ARHGAP8: variants seen among roughly 807,000 people sequenced by gnomAD.
The protein encoded by ARHGAP8 is rho GTPase-activating protein 8.
A neutral mutation model predicts 46.1 loss-of-function variants in ARHGAP8; 62 were observed. That is an observed-to-expected ratio of 1.34 (90% CI 1.10 to 1.66). The LOEUF (loss-of-function observed/expected upper bound fraction) is 1.66. ARHGAP8 is among the 40% of genes most tolerant of loss of function. ARHGAP8 has a pLI of 0.00. For synonymous variants in ARHGAP8, 375 were observed against 243.1 expected (o/e 1.54, Z -5.05); for missense variants, 923 against 568.4 (o/e 1.62, Z -6.34).
At chr22:44,792,079 C>T (rs1031778243) in intron 2 of ARHGAP8, among the ~76,000 whole-genome samples, 1 of 151,310 alleles carries the variant, frequency 6.6e-6, no homozygotes. Flanking sequence ...GTGGTGCGAT[C>T]TCAGCTCACT....
At chr22:44,860,577 C>T (rs1001517614) in intron 11 of ARHGAP8, among the ~76,000 whole-genome samples, 3 of 152,114 alleles carry the variant, frequency 2.0e-5, no homozygotes, top group Non-Finnish European at 4.4e-5. Flanking sequence ...GCCCTCGTTC[C>T]AAATAAGGTC....
At chr22:44,844,519 G>T (rs965451129) in intron 7 of ARHGAP8, among the ~76,000 whole-genome samples, 6 of 152,058 alleles carry the variant, frequency 3.9e-5, no homozygotes, top group African/African-American at 1.4e-4. Context: ...CTGGAGTGCA[G>T]TGGCACAATC....
intron 4 of ARHGAP8, 31 bp downstream of exon 4, chr22:44,808,469 G>C (rs757872203): frequency 6.2e-7 from 1 of 1,611,070 alleles, no homozygotes; most frequent in East Asian, 2.2e-5. Context: ...AGGGACGTGG[G>C]TGTGGGCTGC....
chr22:44,772,971 A>G (rs574750579), intron 1 of ARHGAP8, among the ~76,000 whole-genome samples: 6 of 152,146 alleles, frequency 3.9e-5, no homozygotes, highest in African/African-American at 1.4e-4. Flanking sequence ...AGTGTGCACT[A>G]CCATGCCCAG....
At chr22:44,798,848 C>T (rs1361623325) in intron 2 of ARHGAP8, among the ~76,000 whole-genome samples, 7 of 152,140 alleles carry the variant, frequency 4.6e-5, no homozygotes, top group Admixed American at 4.6e-4. Flanking sequence ...TCACTGCAAC[C>T]TCCGCTTCCC....
At chr22:44,819,887 G>A (rs1285541656) in intron 5 of ARHGAP8, among the ~76,000 whole-genome samples, 1 of 152,136 alleles carries the variant, frequency 6.6e-6, no homozygotes, top group Non-Finnish European at 1.5e-5. Flanking sequence ...GAGCCTGTGT[G>A]GTTCTACCCC....
chr22:44,789,062 C>G (rs1430453527), intron 2 of ARHGAP8, among the ~76,000 whole-genome samples: 1 of 152,218 alleles, frequency 6.6e-6, no homozygotes, highest in Non-Finnish European at 1.5e-5. Context: ...GTGTTCACAG[C>G]TCCCAAAATT....
intron 2 of ARHGAP8, among the ~76,000 whole-genome samples, chr22:44,795,740 C>G (rs939079273): frequency 6.6e-6 from 1 of 152,260 alleles, no homozygotes; most frequent in African/African-American, 2.4e-5. Context: ...GGCCCACAGG[C>G]TTCTCTTTCT....
At chr22:44,796,258 C>G (rs947777787) in intron 2 of ARHGAP8, among the ~76,000 whole-genome samples, 4 of 152,206 alleles carry the variant, frequency 2.6e-5, no homozygotes, top group African/African-American at 9.6e-5. Context: ...TCTGCTGCCT[C>G]TGCTCTTGCT....
chr22:44,827,209 C>T (rs750338382), intron 7 of ARHGAP8, among the ~76,000 whole-genome samples: 18 of 151,900 alleles, frequency 1.2e-4, no homozygotes, highest in Non-Finnish European at 2.4e-4. Flanking sequence ...ACTCAGGCAC[C>T]TCTAGAAACT....
intron 1 of ARHGAP8, chr22:44,765,738 A>G (rs944911392): frequency 6.6e-6 from 1 of 152,452 alleles, no homozygotes; most frequent in Non-Finnish European, 1.5e-5. Context: ...TTGGGCGGCC[A>G]AGGGACACAT....
intron 6 of ARHGAP8, 139 bp from the exon 7 acceptor site, chr22:44,825,344 A>T: frequency 1.3e-6 from 1 of 766,272 alleles, no homozygotes; most frequent in Non-Finnish European, 2.1e-6. Context: ...TGTGTGTGTG[A>T]GCTGGCAGTG....
rs926510709 is a variant in ARHGAP8, at chr22:44,861,169, G to A, written c.982-1106G>A. 1.2e-4 allele frequency among the ~76,000 whole-genome samples: 19 copies of A among 152,128 alleles called. 1 individual carries two copies. The highest frequency in any genetic ancestry group is 4.6e-4 in the African/African-American group (19 of 41,518). Reference sequence around the variant, plus strand: ...GTTTTTTTAGTAGAGATGGGGTTTCGTCACATTGGCCAGGCTGATCTTGAA... The same window carrying A: ...GTTTTTTTAGTAGAGATGGGGTTTCATCACATTGGCCAGGCTGATCTTGAA... On this transcript the variant is annotated intron_variant, in intron 11 of 11. Transcript: ENST00000356099.
intron 10 of ARHGAP8, among the ~76,000 whole-genome samples, chr22:44,859,305 C>T (rs532392147): frequency 2.1e-4 from 32 of 152,142 alleles, no homozygotes; most frequent in Non-Finnish European, 3.2e-4. Flanking sequence ...GTGCTGTCCT[C>T]GAGATAGTGA....
intron 1 of ARHGAP8, among the ~76,000 whole-genome samples, chr22:44,775,617 T>G (rs1926366130): frequency 6.6e-6 from 1 of 151,998 alleles, no homozygotes; most frequent in Non-Finnish European, 1.5e-5. Flanking sequence ...CCGGCTAATT[T>G]TTTTGTATTA....
intron 7 of ARHGAP8, among the ~76,000 whole-genome samples, chr22:44,837,948 T>C (rs1931397972): frequency 6.6e-6 from 1 of 152,142 alleles, no homozygotes; most frequent in African/African-American, 2.4e-5. Flanking sequence ...TCTCAGAGTC[T>C]CTTCCTGCTC....
intron 11 of ARHGAP8, among the ~76,000 whole-genome samples, chr22:44,861,407 A>T (rs1461304092): frequency 6.6e-6 from 1 of 152,096 alleles, no homozygotes; most frequent in African/African-American, 2.4e-5. Flanking sequence ...CGGCTTGAGG[A>T]GGGGTGGCCT....
At chr22:44,781,034 G>A (rs1184758317) in intron 1 of ARHGAP8, among the ~76,000 whole-genome samples, 1 of 152,192 alleles carries the variant, frequency 6.6e-6, no homozygotes, top group East Asian at 1.9e-4. Flanking sequence ...TCCCGTGCAC[G>A]TGTGTCCAAG....
chr22:44,825,201 G>C (rs1279969337), intron 6 of ARHGAP8, among the ~76,000 whole-genome samples: 3 of 152,090 alleles, frequency 2.0e-5, no homozygotes, highest in Non-Finnish European at 4.4e-5. Context: ...GGGGCTGACC[G>C]CATGGTAAGC....
Sources: allele counts gnomAD v4.1 joint callset (sites outside exome capture counted in the v4.1 genomes callset), GRCh38; gene constraint gnomAD v4.1.1; transcripts MANE v1.5; gene names NCBI Gene and HGNC (gene_info 2026-07-23, HGNC 2026-07-21).